The following CTSB variants were observed in gnomAD, a reference collection of about 807,000 sequenced individuals.
The protein encoded by CTSB is cathepsin B.
In CTSB, 57 loss-of-function variants were observed where a neutral mutation model predicts 44.3. That is an observed-to-expected ratio of 1.29 (90% CI 1.04 to 1.60). The LOEUF is 1.60. Among genes scored for constraint, CTSB ranks in the 40% most tolerant of loss-of-function variants. The pLI, the probability that CTSB is intolerant of heterozygous loss-of-function variation, is 0.00. For synonymous variants in CTSB, 320 were observed against 168.0 expected (o/e 1.91, Z -7.00); for missense variants, 768 against 443.0 (o/e 1.73, Z -6.59).
chr8:11,847,251 T>G, intron 7 of CTSB, 83 bp from the exon 8 acceptor site: 3 of 881,660 alleles, frequency 3.4e-6, no homozygotes, highest in East Asian at 4.8e-5. Context: ...CACTGATTTC[T>G]GGTGGCCTCC....
intron 7 of CTSB, among the ~76,000 whole-genome samples, 179 bp downstream of exon 7, chr8:11,847,500 A>G (rs1813621515): frequency 6.6e-6 from 1 of 152,196 alleles, no homozygotes; most frequent in Non-Finnish European, 1.5e-5. Flanking sequence ...AGGGTGGAAC[A>G]GGCAGAAAGT....
rs998366593 is a variant in CTSB at position 11,843,208 on chromosome 8, A to C, written c.*1917T>G. 6.6e-6 allele frequency: 1 copy of C among 152,226 alleles called. No individual in the cohort carries two copies. The highest frequency in any genetic ancestry group is 1.5e-5 in the Non-Finnish European group (1 of 68,096). The allele number at this position is 152,226 out of a possible 1,614,324, so 9.4% of individuals were successfully genotyped here. A position where few individuals can be genotyped will look rare whatever the true frequency, so the allele number is the denominator to read the frequency against. On this transcript the variant is annotated 3_prime_UTR_variant, in exon 10 of 10. Transcript: ENST00000353047. ...GTCATCCTCCCACCTTGGCCTCCCAAAGTGCTGGGATTACAGGCGTGAGCC... is the reference window on the plus strand; with the variant it reads ...GTCATCCTCCCACCTTGGCCTCCCACAGTGCTGGGATTACAGGCGTGAGCC...
At chr8:11,851,983 AG>A (rs953537831) in intron 3 of CTSB, among the ~76,000 whole-genome samples, 2 of 152,118 alleles carry the variant, frequency 1.3e-5, no homozygotes, top group Admixed American at 6.5e-5. Flanking sequence ...GGCTTTTCTT[AG>A]ATTTCCCTTA....
At chr8:11,861,959 G>C (rs1365782809) in intron 1 of CTSB, among the ~76,000 whole-genome samples, 1 of 152,206 alleles carries the variant, frequency 6.6e-6, no homozygotes, top group Non-Finnish European at 1.5e-5. Flanking sequence ...TGTAATCCCA[G>C]TACTTTGGGA....
chr8:11,847,812 C>T lies in CTSB; in HGVS notation c.543G>A (p.Pro181=), dbSNP rs151176081. The T allele has an allele frequency of 7.2e-5, 115 of 1,594,138 alleles. 1 individual carries two copies. The African/African-American group carries it at 1.2e-3, about 16-fold the overall frequency. The part of the protein sequence containing the change: ...GLYESHVGCR[P]YSIPPCEHHV... ...GGTGCTCACAGGGAGGGATGGAGTA[C>T]GGTCTGCACCCTGATGGGACGCGGG... Residue 181 remains proline (P), a synonymous_variant, in exon 7 of 10, where the codon CCG becomes CCA. Transcript: ENST00000353047.
chr8:11,858,558 G>A lies in CTSB; in HGVS notation c.-25-5079C>T, dbSNP rs368930932. ...GCCCGCCTTGGCCTCCCAAAGTGTC[G>A]GGATTATAGGTGTGAGCCACCATGC... is the stretch of plus-strand genomic sequence containing the variant. On this transcript the variant is annotated intron_variant, in intron 1 of 9. Coordinates refer to ENST00000353047, the MANE Select transcript of CTSB (RefSeq NM_001908.5). Among the ~76,000 whole-genome samples the A allele has an allele frequency of 1.1e-4, 16 of 152,272 alleles. No homozygotes were observed. The East Asian group carries it at 1.7e-3, about 17-fold the overall frequency.
rs1360443522 is a variant in CTSB, at chr8:11,853,232, T to C, written c.126+97A>G. The C allele has an allele frequency of 2.6e-6, 4 of 1,518,646 alleles. No homozygotes were observed. In the African/African-American group the frequency reaches 5.5e-5, roughly 21 times the overall value. 94.1% of individuals were successfully genotyped at this position (1,518,646 alleles called of 1,614,324 possible). ...TTTTCAACAGTCCAGGACAATGTTC[T>C]GTGGGCCACAGTGAGGGCTGGCTTC... On this transcript the variant is annotated intron_variant, in intron 2 of 9. Coordinates refer to ENST00000353047, the MANE Select transcript of CTSB (RefSeq NM_001908.5).
At chr8:11,845,636 T>C (rs776317602) in intron 9 of CTSB, 25 bp downstream of exon 9, 1 of 1,608,828 alleles carries the variant, frequency 6.2e-7, no homozygotes. Flanking sequence ...TCACTGTTCT[T>C]GGCAGGAAGG....
At chr8:11,850,047 G>C (rs74639061) in intron 4 of CTSB, 2,669 of 152,366 alleles carry the variant, frequency 0.018, 34 homozygotes, top group Middle Eastern at 0.051. Flanking sequence ...TGTCTTGCGA[G>C]CTGAAAAAGA....
At chr8:11,849,976 CAG>C (rs1007350201) in intron 4 of CTSB, 9 of 152,212 alleles carry the variant, frequency 5.9e-5, no homozygotes, top group African/African-American at 2.2e-4. Context: ...TTCATAGAGA[CAG>C]AAAGTAGAGT....
At chr8:11,855,309 C>T (rs1426234874) in intron 1 of CTSB, among the ~76,000 whole-genome samples, 3 of 152,272 alleles carry the variant, frequency 2.0e-5, no homozygotes, top group African/African-American at 4.8e-5. Context: ...CGTGAGGCAC[C>T]GCACCAGGCC....
chr8:11,856,078 A>G (rs1052170649), intron 1 of CTSB, among the ~76,000 whole-genome samples: 6 of 152,140 alleles, frequency 3.9e-5, no homozygotes, highest in Non-Finnish European at 8.8e-5. Context: ...AGGTGCAGAT[A>G]AAATCAAGGA....
In CTSB at chr8:11,845,685, A is replaced by C; in HGVS notation, c.898T>G (p.Trp300Gly). The stretch of plus-strand genomic sequence containing the variant: ...CCATTGTCACCCCAGTCAGTGTTCC[A>C]GGAGTTGGCAACCAGCCAGTAGGGT... ...GTPYWLVANS[W>G]NTDWGDNGFF... Residue 300 changes from tryptophan to glycine, a missense_variant, in exon 9 of 10, where the codon TGG becomes GGG. By Grantham distance (184) the Trp-to-Gly change is radical. Transcript: ENST00000353047. 1 of 1,613,948 alleles carries C rather than the reference A, an allele frequency of 6.2e-7. No homozygotes were observed. The highest frequency in any genetic ancestry group is 1.1e-5 in the South Asian group (1 of 91,052).
At chr8:11,848,417 C>T in intron 5 of CTSB, 2 of 599,272 alleles carry the variant, frequency 3.3e-6, no homozygotes, top group East Asian at 3.3e-5. Context: ...CATACCAGAC[C>T]AGGCTACGAG....
At position 11,845,658 on chromosome 8, in the gene CTSB, C is replaced by T. The variant is rs879227207; in HGVS notation, c.922+3G>A. ...TCTTGGCAGGAAGGGGGCAGCCACTCACCATTGTCACCCCAGTCAGTGTTC... is the reference window on the plus strand; with the variant it reads ...TCTTGGCAGGAAGGGGGCAGCCACTTACCATTGTCACCCCAGTCAGTGTTC... On this transcript the variant is annotated splice_donor_region_variant and intron_variant, in intron 9 of 9. Transcript: ENST00000353047. 7 of 1,612,122 alleles carry T rather than the reference C, an allele frequency of 4.3e-6. No individual in the cohort carries two copies. Among genetic ancestry groups the T allele is most frequent in the Non-Finnish European group, 5.9e-6 (7 of 1,178,524 alleles).
intron 1 of CTSB, among the ~76,000 whole-genome samples, chr8:11,863,036 A>C (rs1293304): frequency 6.6e-6 from 1 of 152,038 alleles, no homozygotes; most frequent in Admixed American, 6.6e-5. Context: ...TTCTGGGCTG[A>C]GCACAGTGGC....
intron 1 of CTSB, chr8:11,865,452 G>T (rs1205605469): frequency 6.6e-6 from 1 of 152,076 alleles, no homozygotes; most frequent in African/African-American, 2.4e-5. Flanking sequence ...AGCTGAGTGT[G>T]GAGGCACATG....
At chr8:11,852,056 G>A (rs539114021) in intron 3 of CTSB, among the ~76,000 whole-genome samples, 74 of 152,210 alleles carry the variant, frequency 4.9e-4, no homozygotes, top group Middle Eastern at 3.4e-3. Flanking sequence ...TCACATCTGC[G>A]GCTGAGACAC....
chr8:11,856,268 A>G (rs1209681746), intron 1 of CTSB, among the ~76,000 whole-genome samples: 1 of 152,172 alleles, frequency 6.6e-6, no homozygotes. Context: ...AAATGAATCA[A>G]GTATCCAATA....
Sources: gnomAD v4.1 joint callset for allele counts (sites outside exome capture counted in the v4.1 genomes callset) on GRCh38, gnomAD v4.1.1 for gene constraint, MANE v1.5 for transcripts, NCBI Gene and HGNC (gene_info 2026-07-23, HGNC 2026-07-21) for gene names.